SNCAIP: variants seen among roughly 807,000 people sequenced by gnomAD.
SNCAIP encodes the protein synuclein alpha interacting protein.
Under a neutral mutation model 86.7 loss-of-function variants are expected in SNCAIP, and 43 were observed. That is an observed-to-expected ratio of 0.50 (90% CI 0.39 to 0.64). SNCAIP has a LOEUF of 0.64. SNCAIP is among the 30% of genes least tolerant of loss of function. The pLI is 0.00. For synonymous variants in SNCAIP, 417 were observed against 427.2 expected, an observed-to-expected ratio of 0.98 and a Z score of 0.29; for missense variants, 981 against 1,103.1, an observed-to-expected ratio of 0.89 and a Z score of 1.57.
At chr5:122,434,093 T>G (rs1484126119) in intron 6 of SNCAIP, among the ~76,000 whole-genome samples, 1 of 152,214 alleles carries the variant, frequency 6.6e-6, no homozygotes, top group Non-Finnish European at 1.5e-5. Context: ...AGAATAGGAT[T>G]TTCAAATGAT....
chr5:122,363,102 TTCTCTTG>T, intron 1 of SNCAIP, among the ~76,000 whole-genome samples: 1 of 151,460 alleles, frequency 6.6e-6, no homozygotes, highest in Non-Finnish European at 1.5e-5. Context: ...GATCAAGCGA[TTCTCTTG>T]CCTCAGTCTC....
chr5:122,451,689 T>G, intron 10 of SNCAIP, 88 bp downstream of exon 10: 1 of 1,002,406 alleles, frequency 1.0e-6, no homozygotes, highest in Admixed American at 2.3e-5. Flanking sequence ...CACACTACCT[T>G]GAGGGAATCC....
chr5:122,321,366 G>A (rs1439887696), intron 1 of SNCAIP: 1 of 152,018 alleles, frequency 6.6e-6, no homozygotes, highest in East Asian at 1.9e-4. Context: ...CAGGTGGCTG[G>A]TGACCCCTGC....
At chr5:122,363,168 G>A (rs576840630) in intron 1 of SNCAIP, among the ~76,000 whole-genome samples, 2 of 151,922 alleles carry the variant, frequency 1.3e-5, no homozygotes, top group Admixed American at 1.3e-4. Flanking sequence ...GGCTAATGTC[G>A]TATTTTTGGT....
intron 1 of SNCAIP, 75 bp downstream of exon 1, chr5:122,312,359 G>C: frequency 6.5e-6 from 1 of 152,704 alleles, no homozygotes; most frequent in South Asian, 2.1e-4. Context: ...TTCCAAGTTT[G>C]CACCAGGCGA....
chr5:122,370,951 A>G (rs1159082885), intron 1 of SNCAIP, among the ~76,000 whole-genome samples: 3 of 152,188 alleles, frequency 2.0e-5, no homozygotes, highest in African/African-American at 4.8e-5. Context: ...CCAAAACTGA[A>G]TCTCAAACTC....
At chr5:122,438,605 G>A (rs977707724) in intron 6 of SNCAIP, among the ~76,000 whole-genome samples, 2 of 152,114 alleles carry the variant, frequency 1.3e-5, no homozygotes, top group African/African-American at 4.8e-5. Context: ...TGCTGTTTTT[G>A]TGACCAGAAA....
chr5:122,443,460 C>T, intron 7 of SNCAIP: 1 of 331,858 alleles, frequency 3.0e-6, no homozygotes, highest in East Asian at 7.6e-5. Context: ...CTAATGATAC[C>T]TTGGCCAGAT....
rs1020452419 is a variant in SNCAIP at position 122,412,848 on chromosome 5, G to A, written c.130+8983G>A. Among the ~76,000 whole-genome samples, 10 of 152,268 alleles carry A rather than the reference G, an allele frequency of 6.6e-5. No homozygotes were observed. The South Asian group carries it at 1.4e-3, about 22-fold the overall frequency. ...TGCTGACTGAAACATCTCATCAGGC[G>A]CTGAAGCCAGATTTCTTGCTTTCCC... is the stretch of plus-strand genomic sequence containing the variant. On this transcript the variant is annotated intron_variant, in intron 3 of 10. Transcript: ENST00000261368.
intron 3 of SNCAIP, among the ~76,000 whole-genome samples, chr5:122,410,633 G>A (rs142507443): frequency 2.0e-5 from 3 of 152,258 alleles, no homozygotes; most frequent in African/African-American, 7.2e-5. Context: ...GACCAGCCTG[G>A]CCAACATGGT....
intron 3 of SNCAIP, among the ~76,000 whole-genome samples, chr5:122,419,722 A>T (rs1776011722): frequency 6.6e-6 from 1 of 152,218 alleles, no homozygotes; most frequent in Non-Finnish European, 1.5e-5. Flanking sequence ...TAATTTCCAA[A>T]AAGCAAATTT....
chr5:122,326,588 G>T lies in SNCAIP; in HGVS notation c.-47+14304G>T, dbSNP rs554016655. Among the ~76,000 whole-genome samples, 9 of 143,552 alleles carry T rather than the reference G, an allele frequency of 6.3e-5. No individual in the cohort carries two copies. The South Asian group carries it at 2.0e-3, about 32-fold the overall frequency. 94.2% of individuals were successfully genotyped at this position (143,552 alleles called of 152,430 possible). ...TTCTCTTATAGAATAGAGAGAAAGG[G>T]AACTTCAGAAATGTCTCCTTTTTTT... On this transcript the variant is annotated intron_variant, in intron 1 of 10. Coordinates refer to ENST00000261368, the MANE Select transcript of SNCAIP (RefSeq NM_005460.4).
intron 1 of SNCAIP, among the ~76,000 whole-genome samples, chr5:122,329,262 C>CAAAAA (rs78307168): frequency 6.3e-4 from 51 of 81,222 alleles, no homozygotes; most frequent in African/African-American, 1.9e-3. Flanking sequence ...GGTAATGTGG[C>CAAAAA]AAAAAAAAAA....
chr5:122,318,143 G>A (rs2152657305), intron 1 of SNCAIP, among the ~76,000 whole-genome samples: 1 of 152,176 alleles, frequency 6.6e-6, no homozygotes, highest in African/African-American at 2.4e-5. Context: ...GGATGGGTAG[G>A]TGCTGGTATG....
rs1483388890 is a variant in SNCAIP, at chr5:122,423,269, T to A, written c.532T>A (p.Leu178Met). The A allele has an allele frequency of 6.2e-7, 1 of 1,614,068 alleles. No individual in the cohort carries two copies. The highest frequency in any genetic ancestry group is 2.2e-5 in the East Asian group (1 of 44,902). Residue 178 changes from leucine (L) to methionine (M), a missense_variant, in exon 4 of 11, where the codon TTG becomes ATG. Physicochemically the swap from Leu to Met is conservative, Grantham distance 15. Coordinates refer to ENST00000261368, the MANE Select transcript of SNCAIP (RefSeq NM_005460.4). ...CAAGGTGACTTCAGAAAAAAGAATT[T>A]TGGGCTTATGCACAACCATCAATGG... ...FTKVTSEKRILGLCTTINGLS... is the reference protein window; with the variant it reads ...FTKVTSEKRIMGLCTTINGLS...
chr5:122,417,203 A>C (rs1194221893), intron 3 of SNCAIP, among the ~76,000 whole-genome samples: 17 of 152,188 alleles, frequency 1.1e-4, no homozygotes, highest in Admixed American at 1.1e-3. Context: ...GAAAATACTA[A>C]TTTATCAGTC....
intron 3 of SNCAIP, among the ~76,000 whole-genome samples, chr5:122,410,379 T>C (rs1316678842): frequency 1.3e-5 from 2 of 152,174 alleles, no homozygotes; most frequent in Non-Finnish European, 2.9e-5. Context: ...GCCCCCTCTG[T>C]GGAAAAGGAG....
chr5:122,344,694 C>A (rs1376030153), intron 1 of SNCAIP, among the ~76,000 whole-genome samples: 1 of 152,166 alleles, frequency 6.6e-6, no homozygotes, highest in Non-Finnish European at 1.5e-5. Context: ...CCTTTGAATG[C>A]TGTTTTGAGT....
Position 122,463,672 on chromosome 5 carries a change from C to T in SNCAIP, c.*176C>T. Reference sequence around the variant, plus strand: ...AAAGAGAACCATGAAAACAATGCCTCACCAGCAGAAGAACAGAATATCAGG... The same window carrying T: ...AAAGAGAACCATGAAAACAATGCCTTACCAGCAGAAGAACAGAATATCAGG... On this transcript the variant is annotated 3_prime_UTR_variant, in exon 11 of 11. Transcript: ENST00000261368. 2 of 624,678 alleles carry T rather than the reference C, an allele frequency of 3.2e-6. No homozygotes were observed. The highest frequency in any genetic ancestry group is 5.6e-6 in the Non-Finnish European group (2 of 357,986). The allele number at this position is 624,678 out of a possible 1,614,324, so 38.7% of individuals were successfully genotyped here. A position where few individuals can be genotyped will look rare whatever the true frequency, so the allele number is the denominator to read the frequency against.
Sources: allele counts gnomAD v4.1 joint callset (sites outside exome capture counted in the v4.1 genomes callset), GRCh38; gene constraint gnomAD v4.1.1; transcripts MANE v1.5; gene names NCBI Gene and HGNC (gene_info 2026-07-23, HGNC 2026-07-21).